Variants in OPCML observed in about 807,000 individuals in gnomAD.
OPCML encodes opioid-binding protein/cell adhesion molecule.
Under a neutral mutation model 37.8 loss-of-function variants are expected in OPCML, and 13 were observed. The ratio of observed to expected loss-of-function variants is 0.34; its 90% CI spans 0.22 to 0.55. The LOEUF (loss-of-function observed/expected upper bound fraction) is 0.55. Among genes scored for constraint, OPCML ranks in the 20% least tolerant of loss-of-function variants. The pLI is 0.91. For synonymous variants in OPCML, 176 were observed against 168.8 expected (o/e 1.04, Z -0.33); for missense variants, 341 against 435.6 (o/e 0.78, Z 1.93).
intron 1 of OPCML, among the ~76,000 whole-genome samples, chr11:133,388,316 A>G (rs945001502): frequency 6.6e-6 from 1 of 152,178 alleles, no homozygotes; most frequent in Non-Finnish European, 1.5e-5. Context: ...CACTTGCTTC[A>G]TTTTGGTCTC....
At chr11:133,311,234 T>G (rs1467411078) in intron 1 of OPCML, among the ~76,000 whole-genome samples, 1 of 152,250 alleles carries the variant, frequency 6.6e-6, no homozygotes. Flanking sequence ...TCATGTTTAT[T>G]GGCATTTTCC....
intron 2 of OPCML, among the ~76,000 whole-genome samples, chr11:132,677,497 C>A (rs1404129951): frequency 6.6e-6 from 1 of 152,128 alleles, no homozygotes; most frequent in Non-Finnish European, 1.5e-5. Flanking sequence ...CAGTACCTGG[C>A]TTCAAGAATT....
At chr11:132,553,084 T>C (rs979497537) in intron 3 of OPCML, among the ~76,000 whole-genome samples, 68 of 152,110 alleles carry the variant, frequency 4.5e-4, no homozygotes, top group Admixed American at 2.6e-4. Context: ...CTATTCTTCT[T>C]CTCCACCCTG....
chr11:132,471,075 C>T (rs997344807), intron 4 of OPCML, among the ~76,000 whole-genome samples: 5 of 152,144 alleles, frequency 3.3e-5, no homozygotes, highest in Non-Finnish European at 7.3e-5. Context: ...CATGAGCAAC[C>T]GTTTCCAGTT....
intron 1 of OPCML, among the ~76,000 whole-genome samples, chr11:133,302,876 T>C (rs554025914): frequency 6.6e-6 from 1 of 152,296 alleles, no homozygotes; most frequent in African/African-American, 2.4e-5. Flanking sequence ...TGCAAATTCA[T>C]TTAAATAAAT....
chr11:132,796,355 G>A (rs972179313), intron 2 of OPCML, among the ~76,000 whole-genome samples: 23 of 152,152 alleles, frequency 1.5e-4, no homozygotes, highest in African/African-American at 4.8e-4. Context: ...GAACATTTGC[G>A]CATAAGTTTT....
intron 2 of OPCML, among the ~76,000 whole-genome samples, chr11:132,710,726 G>T (rs2135947676): frequency 6.6e-6 from 1 of 151,652 alleles, no homozygotes; most frequent in Non-Finnish European, 1.5e-5. Context: ...GTTATGGTGT[G>T]TGCCTGTAGT....
intron 1 of OPCML, among the ~76,000 whole-genome samples, chr11:133,510,671 C>G (rs1948136264): frequency 6.6e-6 from 1 of 152,178 alleles, no homozygotes; most frequent in Admixed American, 6.5e-5. Flanking sequence ...AGCCTGCAAG[C>G]CAAGCAAGGT....
intron 7 of OPCML, among the ~76,000 whole-genome samples, chr11:132,434,748 G>C (rs1018431649): frequency 1.3e-5 from 2 of 152,108 alleles, no homozygotes; most frequent in Non-Finnish European, 2.9e-5. Context: ...CATTAGCCCT[G>C]TTTGCCTTGG....
intron 4 of OPCML, among the ~76,000 whole-genome samples, chr11:132,479,138 A>G (rs2096168396): frequency 6.6e-6 from 1 of 152,198 alleles, no homozygotes; most frequent in African/African-American, 2.4e-5. Context: ...TTCATCACAC[A>G]AGGGAGTGCC....
At chr11:133,446,579 C>A (rs1946478518) in intron 1 of OPCML, among the ~76,000 whole-genome samples, 1 of 152,140 alleles carries the variant, frequency 6.6e-6, no homozygotes, top group Non-Finnish European at 1.5e-5. Context: ...CGTGCACCAC[C>A]ATGCCCAGCT....
chr11:133,020,241 C>G (rs145610405), intron 1 of OPCML, among the ~76,000 whole-genome samples: 1 of 152,250 alleles, frequency 6.6e-6, no homozygotes, highest in East Asian at 1.9e-4. Flanking sequence ...AATGGTCGGC[C>G]CATCTCAATG....
chr11:132,654,532 A>G (rs1470997686), intron 3 of OPCML, among the ~76,000 whole-genome samples: 1 of 151,804 alleles, frequency 6.6e-6, no homozygotes, highest in East Asian at 1.9e-4. Context: ...CCTCCCCAAG[A>G]GAAGCTCCTC....
intron 1 of OPCML, among the ~76,000 whole-genome samples, chr11:133,445,819 A>C (rs959686042): frequency 6.6e-6 from 1 of 152,194 alleles, no homozygotes. Flanking sequence ...GAGAAAAGGA[A>C]AAGTGAGAAA....
At chr11:133,471,876 C>T (rs1242940678) in intron 1 of OPCML, among the ~76,000 whole-genome samples, 3 of 152,124 alleles carry the variant, frequency 2.0e-5, no homozygotes, top group African/African-American at 4.8e-5. Context: ...TGGAAATGGT[C>T]CCTGGTCCCT....
At chr11:132,667,969 C>T (rs188476654) in intron 2 of OPCML, among the ~76,000 whole-genome samples, 7 of 152,152 alleles carry the variant, frequency 4.6e-5, no homozygotes, top group East Asian at 1.9e-4. Flanking sequence ...TGTTGGAGTA[C>T]GCCAAGTGAG....
intron 1 of OPCML, chr11:133,297,049 G>A (rs902979261): frequency 6.6e-6 from 1 of 152,160 alleles, no homozygotes; most frequent in Admixed American, 6.5e-5. Context: ...CATGCTGCAG[G>A]AGCCAAAAGA....
chr11:132,894,221 T>C (rs1372602630), intron 2 of OPCML, among the ~76,000 whole-genome samples: 1 of 152,234 alleles, frequency 6.6e-6, no homozygotes, highest in Non-Finnish European at 1.5e-5. Flanking sequence ...TCATTATACC[T>C]GACTTACAAG....
chr11:133,313,952 C>G (rs543076782), intron 1 of OPCML, among the ~76,000 whole-genome samples: 5 of 152,148 alleles, frequency 3.3e-5, no homozygotes, highest in Admixed American at 2.0e-4. Flanking sequence ...AATACGATTT[C>G]AGGCTGGGCG....
Sources: allele counts gnomAD v4.1 joint callset (sites outside exome capture counted in the v4.1 genomes callset), GRCh38; gene constraint gnomAD v4.1.1; transcripts MANE v1.5; gene names NCBI Gene and HGNC (gene_info 2026-07-23, HGNC 2026-07-21).